Variants in KCNH1 observed in about 807,000 individuals in gnomAD.
KCNH1 encodes the protein potassium voltage-gated channel subfamily H member 1, also known as voltage-gated delayed rectifier potassium channel KCNH1.
Under a neutral mutation model 69.2 loss-of-function variants are expected in KCNH1, and 27 were observed. That is an observed-to-expected ratio of 0.39 (90% confidence interval 0.29 to 0.54). KCNH1 has a LOEUF of 0.54. KCNH1 is among the 20% of genes least tolerant of loss of function. The pLI is 0.68. For synonymous variants in KCNH1, 456 were observed against 487.7 expected (o/e 0.93, Z 0.86); for missense variants, 798 against 1,261.6 (o/e 0.63, Z 5.57).
At chr1:210,853,936 T>G (rs1329027164) in intron 7 of KCNH1, among the ~76,000 whole-genome samples, 1 of 53,884 alleles carries the variant, frequency 1.9e-5, no homozygotes, top group Non-Finnish European at 3.4e-5. Context: ...GTAAAAGCAT[T>G]TATCTAAGCC....
At chr1:211,028,314 T>A (rs377748935) in intron 5 of KCNH1, among the ~76,000 whole-genome samples, 3 of 152,106 alleles carry the variant, frequency 2.0e-5, no homozygotes, top group African/African-American at 7.2e-5. Flanking sequence ...GTTAAAGTAC[T>A]ACAAAAAGGG....
intron 5 of KCNH1, among the ~76,000 whole-genome samples, chr1:211,070,422 A>C (rs1447822503): frequency 1.1e-5 from 1 of 90,518 alleles, no homozygotes; most frequent in African/African-American, 3.4e-5. Context: ...CACCTTTAAA[A>C]AAAAAAAAAC....
At chr1:211,046,632 T>A (rs956081913) in intron 5 of KCNH1, among the ~76,000 whole-genome samples, 3 of 152,226 alleles carry the variant, frequency 2.0e-5, no homozygotes, top group African/African-American at 7.2e-5. Flanking sequence ...TGCAGCCAAG[T>A]GTTAAAACCT....
At chr1:210,893,962 C>T (rs1387356184) in intron 7 of KCNH1, among the ~76,000 whole-genome samples, 1 of 152,102 alleles carries the variant, frequency 6.6e-6, no homozygotes, top group African/African-American at 2.4e-5. Flanking sequence ...AAAAAATTTA[C>T]CATGTCTCTA....
At chr1:210,874,637 G>A (rs910173687) in intron 7 of KCNH1, among the ~76,000 whole-genome samples, 15 of 152,104 alleles carry the variant, frequency 9.9e-5, no homozygotes, top group African/African-American at 3.4e-4. Flanking sequence ...ACTGAATACT[G>A]TGCAGAACCA....
intron 5 of KCNH1, among the ~76,000 whole-genome samples, chr1:211,064,687 A>G (rs1423594743): frequency 6.6e-6 from 1 of 152,218 alleles, no homozygotes; most frequent in East Asian, 1.9e-4. Flanking sequence ...AACAATCAGC[A>G]AAGTGAAGCG....
At chr1:210,753,124 TGA>T (rs1158203898) in intron 10 of KCNH1, among the ~76,000 whole-genome samples, 5 of 152,214 alleles carry the variant, frequency 3.3e-5, no homozygotes, top group Admixed American at 1.3e-4. Context: ...CCTGAAAGTG[TGA>T]GAGAATAAAT....
chr1:211,100,466 C>T (rs775079579), intron 3 of KCNH1, among the ~76,000 whole-genome samples: 12 of 152,136 alleles, frequency 7.9e-5, no homozygotes, highest in Non-Finnish European at 1.8e-4. Flanking sequence ...ATTCTCCTGC[C>T]TCACCCTCCC....
At chr1:211,102,474 C>T (rs530058704) in intron 3 of KCNH1, among the ~76,000 whole-genome samples, 10 of 152,282 alleles carry the variant, frequency 6.6e-5, no homozygotes, top group African/African-American at 2.4e-4. Context: ...AGGGAGTGAA[C>T]TGGAGCAAGG....
Position 211,019,174 on chromosome 1 carries a change from C to A in KCNH1, c.641G>T (p.Cys214Phe), listed in dbSNP as rs1233024834. The change falls in exon 6 of 11, where the codon TGT becomes TTT. Residue 214 changes from cysteine to phenylalanine, a missense_variant. This residue lies in a region of KCNH1 where 266 missense variants were observed against 457.2 expected (regional missense o/e 0.58). Transcript: ENST00000271751. ...CCAATCCCACGTGGTCTTAAAAACA[C>A]AATAATGTAAGATGATGTGAGGGGG... ...KTPPHIILHY[C>F]VFKTTWDWII... The A allele has an allele frequency of 1.2e-6, 2 of 1,613,910 alleles. No individual in the cohort carries two copies. The highest frequency in any genetic ancestry group is 1.7e-6 in the Non-Finnish European group (2 of 1,179,940).
chr1:211,014,091 G>A (rs1488284038), intron 6 of KCNH1, among the ~76,000 whole-genome samples: 1 of 152,170 alleles, frequency 6.6e-6, no homozygotes, highest in South Asian at 2.1e-4. Context: ...ATAGAAAAAA[G>A]CTCTTGGCCA....
intron 6 of KCNH1, among the ~76,000 whole-genome samples, chr1:210,957,542 G>A (rs1390402993): frequency 2.0e-5 from 3 of 152,032 alleles, no homozygotes; most frequent in Non-Finnish European, 2.9e-5. Flanking sequence ...TTATTGTGTG[G>A]GAGCCTAAGT....
At chr1:210,687,212 T>C (rs1003171751) in intron 10 of KCNH1, among the ~76,000 whole-genome samples, 3 of 152,214 alleles carry the variant, frequency 2.0e-5, no homozygotes, top group African/African-American at 7.2e-5. Context: ...CAGCAAAGGC[T>C]TAACATAATT....
At chr1:210,854,009 G>A (rs1036260520) in intron 7 of KCNH1, among the ~76,000 whole-genome samples, 5 of 135,480 alleles carry the variant, frequency 3.7e-5, no homozygotes, top group Non-Finnish European at 6.2e-5. Context: ...TGTTTATCTC[G>A]ATGAGTTTTG....
At chr1:210,935,120 TCACACA>T (rs10588037) in intron 6 of KCNH1, among the ~76,000 whole-genome samples, 4,699 of 129,152 alleles carry the variant, frequency 0.036, 118 homozygotes, top group African/African-American at 0.059. Context: ...AAAGAAAATG[TCACACA>T]CACACACACA....
At chr1:210,808,038 T>A (rs889952145) in intron 7 of KCNH1, among the ~76,000 whole-genome samples, 4 of 152,214 alleles carry the variant, frequency 2.6e-5, no homozygotes, top group Admixed American at 2.0e-4. Flanking sequence ...GATAGCCTCA[T>A]AACAATGCAG....
chr1:210,735,175 C>A (rs1299777115), intron 10 of KCNH1, among the ~76,000 whole-genome samples: 1 of 152,088 alleles, frequency 6.6e-6, no homozygotes, highest in Non-Finnish European at 1.5e-5. Context: ...TGGTGAAGCC[C>A]CCTCATCTGA....
intron 7 of KCNH1, among the ~76,000 whole-genome samples, chr1:210,819,793 G>A (rs984161767): frequency 6.6e-6 from 1 of 152,224 alleles, no homozygotes; most frequent in African/African-American, 2.4e-5. Context: ...TTGACTTGGT[G>A]TAGCTACCAA....
rs895452266 is a variant in KCNH1, at chr1:210,984,115, T to C, written c.1032+34668A>G. Among the ~76,000 whole-genome samples the C allele has an allele frequency of 8.5e-5, 13 of 152,212 alleles. 1 individual carries two copies. Among genetic ancestry groups the C allele is most frequent in the Non-Finnish European group, 1.5e-4 (10 of 68,042 alleles). On this transcript the variant is annotated intron_variant, in intron 6 of 10. Coordinates refer to ENST00000271751, the MANE Select transcript of KCNH1 (RefSeq NM_172362.3). The stretch of plus-strand genomic sequence containing the variant: ...TAAGAATGCTTGTGATTTTTGCACA[T>C]TGATTTTGTATCCTGAGACTGCTGA...
Sources: allele counts gnomAD v4.1 joint callset (sites outside exome capture counted in the v4.1 genomes callset), GRCh38; gene constraint gnomAD v4.1.1; regional missense constraint gnomAD v4.1.1; transcripts MANE v1.5; gene names NCBI Gene and HGNC (gene_info 2026-07-23, HGNC 2026-07-21).